Variants in ERC2 observed in about 807,000 individuals in gnomAD.
ERC2 encodes ERC protein 2.
ERC2 carries 42 observed loss-of-function variants against 114.8 expected under a neutral mutation model. The observed-to-expected ratio is 0.37, with a 90% confidence interval of 0.29 to 0.47. ERC2 has a LOEUF of 0.47. Ranked by LOEUF, ERC2 falls within the 20% of genes least tolerant of loss-of-function variation. The probability of loss-of-function intolerance (pLI) is 0.99; values close to 1 mark genes in which losing one functional copy is unlikely to be tolerated. For missense variants in ERC2, 939 were observed against 1,150.7 expected (o/e 0.82, Z 2.66); for synonymous variants, 454 against 425.5 (o/e 1.07, Z -0.82).
At chr3:55,798,416 G>A (rs2070691319) in intron 14 of ERC2, among the ~76,000 whole-genome samples, 3 of 152,002 alleles carry the variant, frequency 2.0e-5, no homozygotes, top group African/African-American at 7.2e-5. Flanking sequence ...GGCTAACATG[G>A]TGAAACCCCG....
intron 17 of ERC2, among the ~76,000 whole-genome samples, chr3:55,557,867 C>T (rs1034472976): frequency 6.6e-6 from 1 of 152,240 alleles, no homozygotes; most frequent in Non-Finnish European, 1.5e-5. Flanking sequence ...AACTCAATTG[C>T]CACTTCATCA....
intron 3 of ERC2, among the ~76,000 whole-genome samples, chr3:56,287,777 A>G (rs930510420): frequency 9.8e-5 from 15 of 152,304 alleles, no homozygotes; most frequent in African/African-American, 3.4e-4. Flanking sequence ...TCCATCCATC[A>G]CTATGTGCTC....
chr3:56,317,607 G>C (rs1158125869), intron 2 of ERC2, among the ~76,000 whole-genome samples: 1 of 151,830 alleles, frequency 6.6e-6, no homozygotes, highest in South Asian at 2.1e-4. Flanking sequence ...TCACTTTTTT[G>C]TACTGATCAT....
intron 10 of ERC2, among the ~76,000 whole-genome samples, chr3:56,003,578 A>C (rs948942071): frequency 1.3e-5 from 2 of 152,118 alleles, no homozygotes; most frequent in Non-Finnish European, 2.9e-5. Context: ...TTACATTAAC[A>C]CAAGCCTGAA....
At position 55,699,428 on chromosome 3, in the gene ERC2, G is replaced by A; in HGVS notation, c.2797C>T (p.Arg933Ter). ...GAATGTTGCGACCTCCCAGGAGATC[G>A]ATGGTGGTGGTGATGGTGGTGGTGG... Reference protein sequence around the residue: ...YHHHHHHHHHRSPGRSQHSNH... With the variant: ...YHHHHHHHHH Residue 933 changes from arginine (R) to a stop codon, truncating the protein, a stop_gained, in exon 16 of 18, where the codon CGA (arginine) becomes TGA (stop). Transcript: ENST00000288221. LOFTEE classifies it high-confidence loss of function. The A allele has an allele frequency of 6.2e-7, 1 of 1,613,834 alleles. No individual in the cohort carries two copies. Among genetic ancestry groups the A allele is most frequent in the East Asian group, 2.2e-5 (1 of 44,864 alleles).
At chr3:55,535,471 G>A (rs570997032) in intron 17 of ERC2, among the ~76,000 whole-genome samples, 1 of 152,188 alleles carries the variant, frequency 6.6e-6, no homozygotes, top group African/African-American at 2.4e-5. Flanking sequence ...CAATTGAGGG[G>A]TGTTGCCAGA....
intron 3 of ERC2, among the ~76,000 whole-genome samples, chr3:56,223,534 A>AAAAAAAAAAAAC: frequency 6.6e-6 from 1 of 152,092 alleles, no homozygotes; most frequent in Non-Finnish European, 1.5e-5. Flanking sequence ...AAAAAAAAAA[A>AAAAAAAAAAAAC]AAAAAATGAC....
chr3:56,376,579 AT>A, intron 2 of ERC2, among the ~76,000 whole-genome samples: 1 of 152,096 alleles, frequency 6.6e-6, no homozygotes, highest in African/African-American at 2.4e-5. Context: ...CCTGACCAAC[AT>A]GGTGAAACCC....
intron 3 of ERC2, among the ~76,000 whole-genome samples, chr3:56,175,900 T>C (rs2082951397): frequency 6.7e-6 from 1 of 149,072 alleles, no homozygotes; most frequent in South Asian, 2.1e-4. Flanking sequence ...AGAAGAAGTT[T>C]CCAATCAATT....
intron 14 of ERC2, among the ~76,000 whole-genome samples, chr3:55,857,893 T>C (rs560001969): frequency 7.9e-5 from 12 of 152,328 alleles, no homozygotes; most frequent in Non-Finnish European, 1.8e-4. Context: ...CCATCTATTC[T>C]ACGGAATGGA....
intron 2 of ERC2, among the ~76,000 whole-genome samples, chr3:56,302,472 T>C (rs1007394767): frequency 6.6e-6 from 1 of 152,214 alleles, no homozygotes; most frequent in Non-Finnish European, 1.5e-5. Context: ...GTGTAAATAT[T>C]GGAAGACATA....
intron 6 of ERC2, among the ~76,000 whole-genome samples, chr3:56,120,146 G>T (rs548914156): frequency 4.1e-4 from 62 of 152,240 alleles, no homozygotes; most frequent in Admixed American, 3.9e-3. Context: ...AAGAGAGAGA[G>T]AGAGATTCTA....
chr3:55,742,187 C>T (rs1353225667), intron 14 of ERC2, among the ~76,000 whole-genome samples: 1 of 152,034 alleles, frequency 6.6e-6, no homozygotes, highest in Non-Finnish European at 1.5e-5. Context: ...TTGAGTGTCG[C>T]CTGTGGCTAG....
chr3:56,171,880 G>C (rs543580637), intron 4 of ERC2, among the ~76,000 whole-genome samples: 1 of 137,672 alleles, frequency 7.3e-6, no homozygotes, highest in Non-Finnish European at 1.5e-5. Flanking sequence ...TTTGGAAATA[G>C]ATTGTATATA....
rs543429396 is a variant in ERC2 at position 56,091,972 on chromosome 3, A to T, written c.1474-10988T>A. ...TTACACACTTGACAAGAGAAAAAAA[A>T]CCTATATTATATTTAAAAACATTTA... On this transcript the variant is annotated intron_variant, in intron 6 of 17. Transcript: ENST00000288221. Among the ~76,000 whole-genome samples the T allele has an allele frequency of 2.6e-5, 4 of 152,114 alleles. No homozygotes were observed. The East Asian group carries it at 7.7e-4, about 29-fold the overall frequency.
chr3:55,558,447 G>T (rs2055774146), intron 17 of ERC2, among the ~76,000 whole-genome samples: 1 of 152,208 alleles, frequency 6.6e-6, no homozygotes, highest in South Asian at 2.1e-4. Flanking sequence ...GCAAACATCT[G>T]TGGTTTCAAA....
At chr3:56,184,578 TGAGA>T (rs1214593362) in intron 3 of ERC2, among the ~76,000 whole-genome samples, 1 of 152,172 alleles carries the variant, frequency 6.6e-6, no homozygotes. Context: ...CCACTCAGAC[TGAGA>T]GAGTTAGGTA....
Position 56,080,812 on chromosome 3 carries a change from C to G in ERC2, c.1641+5G>C. On this transcript the variant is annotated splice_donor_5th_base_variant and intron_variant, in intron 7 of 17. Transcript: ENST00000288221. ...CCACTTGAAGGTCTTATGTCAGCTA[C>G]TCACCTTTTTCTGAAGAACATTGAT... 3 of 1,612,796 alleles carry G rather than the reference C, an allele frequency of 1.9e-6. No homozygotes were observed. Among genetic ancestry groups the G allele is most frequent in the Non-Finnish European group, 1.7e-6 (2 of 1,179,462 alleles).
At chr3:56,328,153 A>G (rs1251999733) in intron 2 of ERC2, among the ~76,000 whole-genome samples, 2 of 152,166 alleles carry the variant, frequency 1.3e-5, no homozygotes, top group Non-Finnish European at 2.9e-5. Flanking sequence ...AGTAAGTATG[A>G]CCAGGGAGGG....
Sources: allele counts gnomAD v4.1 joint callset (sites outside exome capture counted in the v4.1 genomes callset), GRCh38; gene constraint gnomAD v4.1.1; transcripts MANE v1.5; gene names NCBI Gene and HGNC (gene_info 2026-07-23, HGNC 2026-07-21).